The following CDH13 variants were observed in gnomAD, a reference collection of about 807,000 sequenced individuals.
CDH13 encodes the protein cadherin-13.
Under a neutral mutation model 63.8 loss-of-function variants are expected in CDH13, and 24 were observed. The observed-to-expected ratio is 0.38, with a 90% CI of 0.27 to 0.53. CDH13 has a LOEUF of 0.53. Ranked by LOEUF, CDH13 falls within the 20% of genes least tolerant of loss-of-function variation. The pLI is 0.85. For missense variants in CDH13, 1,049 were observed against 903.1 expected, an observed-to-expected ratio of 1.16 and a Z score of -2.07; for synonymous variants, 503 against 355.3, an observed-to-expected ratio of 1.42 and a Z score of -4.67.
chr16:83,453,565 G>A (rs562682289), intron 6 of CDH13, among the ~76,000 whole-genome samples: 4 of 152,172 alleles, frequency 2.6e-5, no homozygotes, highest in African/African-American at 2.4e-5. Context: ...ATGTTGATGG[G>A]TGTCCTACAA....
At chr16:83,273,334 C>G (rs957702544) in intron 5 of CDH13, among the ~76,000 whole-genome samples, 25 of 152,010 alleles carry the variant, frequency 1.6e-4, no homozygotes, top group Admixed American at 3.3e-4. Context: ...CTCCCACCCC[C>G]AACCCTTCAC....
intron 7 of CDH13, among the ~76,000 whole-genome samples, chr16:83,507,111 C>G (rs1166974474): frequency 6.6e-6 from 1 of 152,218 alleles, no homozygotes; most frequent in East Asian, 1.9e-4. Flanking sequence ...CCCCCCAAAC[C>G]TGGTGTGAGC....
chr16:82,857,375 T>G (rs1190874181), intron 1 of CDH13, among the ~76,000 whole-genome samples: 1 of 152,250 alleles, frequency 6.6e-6, no homozygotes, highest in Non-Finnish European at 1.5e-5. Flanking sequence ...GCCTCTTCTC[T>G]GTCCCAGTAT....
At chr16:83,412,784 A>G (rs2092146976) in intron 6 of CDH13, among the ~76,000 whole-genome samples, 1 of 152,276 alleles carries the variant, frequency 6.6e-6, no homozygotes, top group South Asian at 2.1e-4. Flanking sequence ...CCACGTGCAC[A>G]TAAGCCATGC....
chr16:83,770,325 G>C (rs574677785), intron 11 of CDH13, among the ~76,000 whole-genome samples: 1 of 152,130 alleles, frequency 6.6e-6, no homozygotes, highest in Admixed American at 6.5e-5. Flanking sequence ...TCTTATGGAC[G>C]GGGAAGTGCT....
intron 5 of CDH13, among the ~76,000 whole-genome samples, chr16:83,239,647 A>T (rs985739673): frequency 6.6e-6 from 1 of 152,148 alleles, no homozygotes; most frequent in Admixed American, 6.6e-5. Flanking sequence ...TCTGGAGCTA[A>T]ATCTGTCTTT....
chr16:82,730,401 C>T (rs984605828), intron 1 of CDH13, among the ~76,000 whole-genome samples: 3 of 152,176 alleles, frequency 2.0e-5, no homozygotes, highest in East Asian at 1.9e-4. Context: ...ATAGAAAGGC[C>T]TGAGGAAAGG....
At chr16:82,775,266 A>G (rs903066269) in intron 1 of CDH13, among the ~76,000 whole-genome samples, 1 of 152,246 alleles carries the variant, frequency 6.6e-6, no homozygotes, top group African/African-American at 2.4e-5. Flanking sequence ...GGTCACTGTA[A>G]TCATGATATA....
chr16:83,765,698 T>C (rs901604664), intron 11 of CDH13, among the ~76,000 whole-genome samples: 1 of 152,060 alleles, frequency 6.6e-6, no homozygotes, highest in Non-Finnish European at 1.5e-5. Flanking sequence ...ATACTGGTGC[T>C]GAAAAACCAT....
chr16:83,791,971 C>T (rs1916303070), intron 13 of CDH13, among the ~76,000 whole-genome samples: 1 of 152,218 alleles, frequency 6.6e-6, no homozygotes, highest in Non-Finnish European at 1.5e-5. Flanking sequence ...TATACCACGC[C>T]CTAGTCAAAA....
intron 10 of CDH13, among the ~76,000 whole-genome samples, chr16:83,727,913 T>A (rs571329498): frequency 6.6e-6 from 1 of 152,258 alleles, no homozygotes; most frequent in Admixed American, 6.5e-5. Context: ...AAAGGAGCTT[T>A]TGGGATTCAA....
At chr16:82,689,120 A>G (rs1915376882) in intron 1 of CDH13, 1 of 152,100 alleles carries the variant, frequency 6.6e-6, no homozygotes, top group Admixed American at 6.6e-5. Flanking sequence ...AGTAGGGTTA[A>G]CACACTTACT....
intron 1 of CDH13, among the ~76,000 whole-genome samples, chr16:82,714,983 A>G (rs1468300969): frequency 2.3e-5 from 3 of 132,870 alleles, no homozygotes; most frequent in African/African-American, 8.2e-5. Context: ...AGTGTGTGAT[A>G]CTTTGTTCCA....
chr16:83,395,959 T>C (rs2091879490), intron 6 of CDH13, among the ~76,000 whole-genome samples: 1 of 152,158 alleles, frequency 6.6e-6, no homozygotes, highest in South Asian at 2.1e-4. Flanking sequence ...CCTCCCATCC[T>C]CCACCCTCCT....
intron 4 of CDH13, among the ~76,000 whole-genome samples, chr16:83,157,793 G>T (rs2037274644): frequency 6.7e-6 from 1 of 149,828 alleles, no homozygotes; most frequent in Admixed American, 6.7e-5. Context: ...CTTGCCTGTA[G>T]TCCCAGCAAC....
At chr16:83,461,230 G>A (rs1381425865) in intron 6 of CDH13, among the ~76,000 whole-genome samples, 1 of 151,924 alleles carries the variant, frequency 6.6e-6, no homozygotes, top group African/African-American at 2.4e-5. Context: ...ACATGTATAT[G>A]TACATATTCC....
intron 2 of CDH13, among the ~76,000 whole-genome samples, chr16:82,897,145 C>G (rs1358598615): frequency 1.3e-5 from 2 of 151,910 alleles, no homozygotes; most frequent in Non-Finnish European, 2.9e-5. Flanking sequence ...CAAAGTTGCC[C>G]ATCAAAAAAG....
intron 2 of CDH13, among the ~76,000 whole-genome samples, chr16:82,965,019 G>T (rs1307948363): frequency 6.6e-6 from 1 of 152,188 alleles, no homozygotes; most frequent in East Asian, 1.9e-4. Flanking sequence ...TTTAGCAATC[G>T]CTGAGTACTG....
At chr16:83,493,005 T>TTTGTTG (rs10635735) in intron 7 of CDH13, among the ~76,000 whole-genome samples, 6 of 152,094 alleles carry the variant, frequency 3.9e-5, no homozygotes, top group Non-Finnish European at 8.8e-5. Flanking sequence ...ACCTGTGTTT[T>TTTGTTG]TTGTTGTTGT....
Sources: gnomAD v4.1 joint callset for allele counts (sites outside exome capture counted in the v4.1 genomes callset) on GRCh38, gnomAD v4.1.1 for gene constraint, MANE v1.5 for transcripts, NCBI Gene and HGNC (gene_info 2026-07-23, HGNC 2026-07-21) for gene names.